Variants in UGT1A9 observed in about 807,000 individuals in gnomAD.
UGT1A9 encodes the protein UDP-glucuronosyltransferase 1A9.
A neutral mutation model predicts 45.0 loss-of-function variants in UGT1A9; 35 were observed. That is an observed-to-expected ratio of 0.78 (90% CI 0.59 to 1.03). The LOEUF is 1.03. Ranked by LOEUF, UGT1A9 falls within the 50% of genes least tolerant of loss-of-function variation. UGT1A9 has a pLI of 0.00. For missense variants in UGT1A9, 687 were observed against 666.6 expected (o/e 1.03, Z -0.34); for synonymous variants, 278 against 250.6 (o/e 1.11, Z -1.03).
chr2:233,692,785 T>C (rs1043155018), intron 1 of UGT1A9: 2 of 1,351,836 alleles, frequency 1.5e-6, no homozygotes, highest in African/African-American at 1.5e-5. Flanking sequence ...GAAGCTCAGG[T>C]GAAAGCTGAC....
intron 1 of UGT1A9, chr2:233,756,230 C>T (rs1280753131): frequency 1.3e-5 from 2 of 152,182 alleles, no homozygotes; most frequent in African/African-American, 4.8e-5. Context: ...TAGTTTAGGA[C>T]AACCCTCCTT....
intron 1 of UGT1A9, chr2:233,682,801 T>C (rs1356907004): frequency 6.2e-7 from 1 of 1,609,304 alleles, no homozygotes; most frequent in African/African-American, 1.3e-5. Flanking sequence ...TGGTAAGTTA[T>C]CTCCCCTTTA....
In UGT1A9 at chr2:233,722,286, T is replaced by C. The variant is rs567045948; in HGVS notation, c.856-44748T>C. 3.3e-5 allele frequency among the ~76,000 whole-genome samples: 5 copies of C among 152,342 alleles called. No homozygotes were observed. In the South Asian group the frequency reaches 8.3e-4, roughly 25 times the overall value. Reference sequence around the variant, plus strand: ...ATCATTTTTATTACATTGATTTCCTTTGTTATTTTGTCACCCTTACTTACT... The same window carrying C: ...ATCATTTTTATTACATTGATTTCCTCTGTTATTTTGTCACCCTTACTTACT... On this transcript the variant is annotated intron_variant, in intron 1 of 4. Transcript: ENST00000354728.
chr2:233,749,178 ACTT>A (rs1418442763), intron 1 of UGT1A9, among the ~76,000 whole-genome samples: 1 of 151,644 alleles, frequency 6.6e-6, no homozygotes, highest in Non-Finnish European at 1.5e-5. Flanking sequence ...TTATTTCTGT[ACTT>A]CTTTTTATTA....
chr2:233,691,612 C>T (rs547462198), intron 1 of UGT1A9: 261 of 985,514 alleles, frequency 2.6e-4, no homozygotes, highest in Non-Finnish European at 3.0e-4. Context: ...GCTCTGGGAC[C>T]GCCCTCAGCA....
At position 233,671,957 on chromosome 2, in the gene UGT1A9, G is replaced by C. The variant is rs2074203906; in HGVS notation, c.23G>C (p.Ser8Thr). The stretch of plus-strand genomic sequence containing the variant: ...CTGATGGCTTGCACAGGGTGGACCA[G>C]CCCCCTTCCTCTATGTGTGTGTCTG... MACTGWTSPLPLCVCLLL... is the reference protein window; with the variant it reads MACTGWTTPLPLCVCLLL... Residue 8 changes from serine (S) to threonine (T), a missense_variant, in exon 1 of 5, where the codon AGC (serine) becomes ACC (threonine). Physicochemically the swap from Ser to Thr is moderately conservative, Grantham distance 58. Transcript: ENST00000354728. The C allele has an allele frequency of 6.2e-7, 1 of 1,613,338 alleles. No individual in the cohort carries two copies. Among genetic ancestry groups the C allele is most frequent in the Non-Finnish European group, 8.5e-7 (1 of 1,179,574 alleles).
chr2:233,767,049 AT>A lies in UGT1A9; in HGVS notation c.873del (p.Asn292MetfsTer71). ...KPLPMEFEAY[I>X]NASGEHGIVV... ...CTGGCTCTAGGAATTTGAAGCCTACATTAATGCTTCTGGAGAACATGGAATT... is the reference window on the plus strand; with the variant it reads ...CTGGCTCTAGGAATTTGAAGCCTACATAATGCTTCTGGAGAACATGGAATT... On this transcript the variant is annotated frameshift_variant, in exon 2 of 5. Transcript: ENST00000354728. LOFTEE classifies it high-confidence loss of function. The A allele has an allele frequency of 6.2e-7, 1 of 1,614,146 alleles. No individual in the cohort carries two copies. The highest frequency in any genetic ancestry group is 8.5e-7 in the Non-Finnish European group (1 of 1,180,002).
chr2:233,757,478 C>T (rs1489873843), intron 1 of UGT1A9, among the ~76,000 whole-genome samples: 8 of 146,268 alleles, frequency 5.5e-5, no homozygotes, highest in African/African-American at 1.5e-4. Flanking sequence ...TCTCCAAAAC[C>T]ATGGACTGGC....
intron 1 of UGT1A9, among the ~76,000 whole-genome samples, chr2:233,695,417 C>G (rs552700475): frequency 3.1e-4 from 44 of 142,032 alleles, no homozygotes; most frequent in Admixed American, 2.1e-4. Flanking sequence ...AGCTACCGCG[C>G]CCGGCCTTCT....
chr2:233,672,218 A>G lies in UGT1A9; in HGVS notation c.284A>G (p.His95Arg), dbSNP rs1248602298. ...GACCGGGAGTTCAAGGCTTTTGCCC[A>G]TGCTCAATGGAAAGCACAAGTACGA... Reference protein sequence around the residue: ...DLDREFKAFAHAQWKAQVRSI... With the variant: ...DLDREFKAFARAQWKAQVRSI... Residue 95 changes from histidine to arginine, a missense_variant, in exon 1 of 5, where the codon CAT becomes CGT. By Grantham distance (29) the His-to-Arg change is conservative. Transcript: ENST00000354728. The G allele has an allele frequency of 2.5e-6, 4 of 1,614,098 alleles. No individual in the cohort carries two copies. The highest frequency in any genetic ancestry group is 1.7e-5 in the Admixed American group (1 of 60,006).
At chr2:233,701,311 G>A (rs2075622392) in intron 1 of UGT1A9, among the ~76,000 whole-genome samples, 1 of 152,048 alleles carries the variant, frequency 6.6e-6, no homozygotes, top group African/African-American at 2.4e-5. Context: ...TTCCACAATG[G>A]TTGAACTAGT....
rs1192497893 is a variant in UGT1A9, at chr2:233,682,753, T to TGGTGG, written c.855+9965_855+9969dup. 13 of 1,613,798 alleles carry TGGTGG rather than the reference T, an allele frequency of 8.1e-6. No homozygotes were observed. The highest frequency in any genetic ancestry group is 1.1e-5 in the Non-Finnish European group (13 of 1,179,822). On this transcript the variant is annotated intron_variant, in intron 1 of 4. Transcript: ENST00000354728. ...CCGTGATGCCCAATATGATCTTCATTGGTGGTATCAACTGTCATCAGGGAA... is the reference window on the plus strand; with the variant it reads ...CCGTGATGCCCAATATGATCTTCATTGGTGGGGTGGTATCAACTGTCATCAGGGAA...
chr2:233,744,294 C>T (rs1692766749), intron 1 of UGT1A9, among the ~76,000 whole-genome samples: 1 of 151,800 alleles, frequency 6.6e-6, no homozygotes, highest in Admixed American at 6.5e-5. Context: ...TCTTTTTCCT[C>T]GGCCACAGGA....
chr2:233,761,146 T>C lies in UGT1A9; in HGVS notation c.856-5888T>C, dbSNP rs1337384419. On this transcript the variant is annotated intron_variant, in intron 1 of 4. Coordinates refer to ENST00000354728, the MANE Select transcript of UGT1A9 (RefSeq NM_021027.3). ...CAACTGCCTTCACCAAAATCCACTATCCCAGGTGTGTATTGGAGTGGGACT... is the reference window on the plus strand; with the variant it reads ...CAACTGCCTTCACCAAAATCCACTACCCCAGGTGTGTATTGGAGTGGGACT... 8.1e-6 allele frequency: 13 copies of C among 1,614,114 alleles called. No individual in the cohort carries two copies. The highest frequency in any genetic ancestry group is 4.0e-5 in the African/African-American group (3 of 74,946).
chr2:233,743,704 C>A (rs773531190), intron 1 of UGT1A9: 3 of 1,367,360 alleles, frequency 2.2e-6, no homozygotes, highest in Non-Finnish European at 2.9e-6. Context: ...CCTCCGCCCC[C>A]GCCTCGCCAT....
At chr2:233,727,049 G>A (rs1171509932) in intron 1 of UGT1A9, among the ~76,000 whole-genome samples, 1 of 152,178 alleles carries the variant, frequency 6.6e-6, no homozygotes, top group Non-Finnish European at 1.5e-5. Flanking sequence ...ACCCCAAGAT[G>A]TGAAGATTAG....
At chr2:233,754,297 C>G (rs1695445363) in intron 1 of UGT1A9, 1 of 235,612 alleles carries the variant, frequency 4.2e-6, no homozygotes, top group Non-Finnish European at 8.4e-6. Flanking sequence ...TGTCCTAGCA[C>G]TAGGAAATAA....
intron 1 of UGT1A9, among the ~76,000 whole-genome samples, chr2:233,678,560 G>A (rs541941089): frequency 6.6e-6 from 1 of 152,162 alleles, no homozygotes; most frequent in Non-Finnish European, 1.5e-5. Context: ...CTTTTATACA[G>A]TACTAATCCT....
At position 233,769,612 on chromosome 2, in the gene UGT1A9, G is replaced by A. The variant is rs1699905681; in HGVS notation, c.1295+1173G>A. ...GGAGACGGAACACGGGGACACACCA[G>A]CTTGAGCAAGGGACAACAGGGGAGG... On this transcript the variant is annotated intron_variant, in intron 4 of 4. Transcript: ENST00000354728. This position sits in a 1 kb window ranked among gnomAD's most constrained non-coding sequence, Gnocchi z 4.4. 1 of 1,612,734 alleles carries A rather than the reference G, an allele frequency of 6.2e-7. No homozygotes were observed. The highest frequency in any genetic ancestry group is 8.5e-7 in the Non-Finnish European group (1 of 1,179,852).
Sources: allele counts gnomAD v4.1 joint callset (sites outside exome capture counted in the v4.1 genomes callset), GRCh38; gene constraint gnomAD v4.1.1; non-coding constraint Gnocchi (gnomAD v3.1); transcripts MANE v1.5; gene names NCBI Gene and HGNC (gene_info 2026-07-23, HGNC 2026-07-21).